PCDHGB5: variants seen among roughly 807,000 people sequenced by gnomAD.
PCDHGB5 encodes the protein protocadherin gamma-B5.
PCDHGB5 carries 48 observed loss-of-function variants against 62.9 expected under a neutral mutation model. That is an observed-to-expected ratio of 0.76 (90% CI 0.61 to 0.97). The LOEUF (loss-of-function observed/expected upper bound fraction) is 0.97. PCDHGB5 is among the 50% of genes least tolerant of loss of function. The pLI, the probability that PCDHGB5 is intolerant of heterozygous loss-of-function variation, is 0.00. For missense variants in PCDHGB5, 1,118 were observed against 1,198.6 expected, an observed-to-expected ratio of 0.93 and a Z score of 0.99; for synonymous variants, 474 against 511.2, an observed-to-expected ratio of 0.93 and a Z score of 0.98.
intron 1 of PCDHGB5, chr5:141,419,506 C>T (rs527369615): frequency 6.2e-7 from 1 of 1,612,352 alleles, no homozygotes; most frequent in Non-Finnish European, 8.5e-7. Context: ...TGAGCCTGCG[C>T]GTGTTGGTGG....
chr5:141,465,273 G>A (rs949271610), intron 1 of PCDHGB5, among the ~76,000 whole-genome samples: 1 of 152,068 alleles, frequency 6.6e-6, no homozygotes, highest in Non-Finnish European at 1.5e-5. Context: ...TAGCCATTTA[G>A]TTCACCCCTA....
intron 1 of PCDHGB5, chr5:141,478,305 C>T (rs775282798): frequency 2.5e-6 from 4 of 1,614,092 alleles, no homozygotes; most frequent in East Asian, 2.2e-5. Flanking sequence ...TACCGAGCCC[C>T]GGTGAGCTCA....
intron 1 of PCDHGB5, among the ~76,000 whole-genome samples, chr5:141,481,300 GA>G (rs998363845): frequency 3.3e-5 from 5 of 152,248 alleles, no homozygotes; most frequent in African/African-American, 1.2e-4. Context: ...TCATCTAAGG[GA>G]AAAACCTTCC....
At chr5:141,433,289 G>C in intron 1 of PCDHGB5, 1 of 1,130,682 alleles carries the variant, frequency 8.8e-7, no homozygotes, top group Non-Finnish European at 1.3e-6. Context: ...AAACTCCTAG[G>C]CTCAAGCAAT....
At position 141,431,896 on chromosome 5, in the gene PCDHGB5, C is replaced by A. The variant is rs1292629023; in HGVS notation, c.2397+31372C>A. The A allele has an allele frequency of 6.2e-7, 1 of 1,613,940 alleles. No homozygotes were observed. The highest frequency in any genetic ancestry group is 1.3e-5 in the African/African-American group (1 of 74,924). On this transcript the variant is annotated intron_variant, in intron 1 of 3. Coordinates refer to ENST00000617380, the MANE Select transcript of PCDHGB5 (RefSeq NM_018925.3). This position sits in a 1 kb window ranked among gnomAD's most constrained non-coding sequence, Gnocchi z 4.8. Reference sequence around the variant, plus strand: ...TAAATGACCAAGATTCTGAGGAAAACGGACAGGTGATCTGTTTCATCCAAG... The same window carrying A: ...TAAATGACCAAGATTCTGAGGAAAAAGGACAGGTGATCTGTTTCATCCAAG...
intron 1 of PCDHGB5, chr5:141,413,089 C>T: frequency 7.1e-7 from 1 of 1,401,124 alleles, no homozygotes; most frequent in Non-Finnish European, 9.7e-7. Context: ...TACAGAGACA[C>T]CCTGAAGCCA....
Position 141,477,376 on chromosome 5 carries a change from G to A in PCDHGB5, c.2398-17431G>A. The A allele has an allele frequency of 6.2e-7, 1 of 1,614,146 alleles. No homozygotes were observed. Among genetic ancestry groups the A allele is most frequent in the Non-Finnish European group, 8.5e-7 (1 of 1,180,026 alleles). ...GTGCAGACCTGGATCGGGAGACTGT[G>A]CCAGAATACAACCTCAGCATCACCG... On this transcript the variant is annotated intron_variant, in intron 1 of 3. Transcript: ENST00000617380. This position sits in a 1 kb window ranked among gnomAD's most constrained non-coding sequence, Gnocchi z 4.9.
intron 1 of PCDHGB5, chr5:141,427,942 T>C (rs1561832592): frequency 6.3e-7 from 1 of 1,586,106 alleles, no homozygotes; most frequent in Non-Finnish European, 8.6e-7. Context: ...GTGGGCGACC[T>C]CAATGACAAT....
chr5:141,486,869 C>G lies in PCDHGB5; in HGVS notation c.2398-7938C>G. On this transcript the variant is annotated intron_variant, in intron 1 of 3. Transcript: ENST00000617380. This position sits in a 1 kb window ranked among gnomAD's most constrained non-coding sequence, Gnocchi z 5.0. ...CCTCAATGACAATGCTCCAGCTGTG[C>G]TCCGTCCTCGGGCCCGGCCTGGTTC... The G allele has an allele frequency of 6.2e-7, 1 of 1,614,246 alleles. No homozygotes were observed. The highest frequency in any genetic ancestry group is 8.5e-7 in the Non-Finnish European group (1 of 1,180,042).
rs376395066 is a variant in PCDHGB5 at position 141,490,681 on chromosome 5, C to G, written c.2398-4126C>G. On this transcript the variant is annotated intron_variant, in intron 1 of 3. Transcript: ENST00000617380. The surrounding 1 kb of genome is among the most constrained non-coding windows in gnomAD (Gnocchi z 5.4). ...TCTTTGCACTGTGGCTGCCTCAGATCCAGACACTGGGGATAATGCCCGCCT... is the reference window on the plus strand; with the variant it reads ...TCTTTGCACTGTGGCTGCCTCAGATGCAGACACTGGGGATAATGCCCGCCT... 2.5e-6 allele frequency: 4 copies of G among 1,613,998 alleles called. No homozygotes were observed. In the African/African-American group the frequency reaches 4.0e-5, roughly 16 times the overall value.
chr5:141,480,457 G>GT (rs1309116577), intron 1 of PCDHGB5, among the ~76,000 whole-genome samples: 4 of 152,060 alleles, frequency 2.6e-5, no homozygotes, highest in Non-Finnish European at 5.9e-5. Flanking sequence ...ATTTTTATTA[G>GT]TTCCTCACTC....
intron 1 of PCDHGB5, among the ~76,000 whole-genome samples, chr5:141,454,195 T>A (rs1295815862): frequency 1.3e-5 from 2 of 152,136 alleles, no homozygotes; most frequent in Admixed American, 1.3e-4. Flanking sequence ...TTAGTGAAGG[T>A]GAATTTATTG....
intron 1 of PCDHGB5, chr5:141,400,747 G>A: frequency 1.7e-6 from 1 of 602,780 alleles, no homozygotes; most frequent in Non-Finnish European, 2.9e-6. Flanking sequence ...TTTGCTCTTA[G>A]CTTCCTCTCT....
chr5:141,407,924 C>T, intron 1 of PCDHGB5: 2 of 482,212 alleles, frequency 4.1e-6, no homozygotes, highest in Non-Finnish European at 3.6e-6. Flanking sequence ...CTGTCCCGCA[C>T]GGAGCCTCTG....
At position 141,491,462 on chromosome 5, in the gene PCDHGB5, T is replaced by C; in HGVS notation, c.2398-3345T>C. 1.2e-6 allele frequency: 2 copies of C among 1,614,004 alleles called. No individual in the cohort carries two copies. The highest frequency in any genetic ancestry group is 1.7e-6 in the Non-Finnish European group (2 of 1,179,978). ...CGCCAGGACTCACCCTCCCCGGACT[T>C]CTATAAGCAGTCCAGCCCCAACCTG... On this transcript the variant is annotated intron_variant, in intron 1 of 3. Coordinates refer to ENST00000617380, the MANE Select transcript of PCDHGB5 (RefSeq NM_018925.3). This position sits in a 1 kb window ranked among gnomAD's most constrained non-coding sequence, Gnocchi z 6.9.
rs999687684 is a variant in PCDHGB5, at chr5:141,431,598, C to T, written c.2397+31074C>T. 1 of 1,614,192 alleles carries T rather than the reference C, an allele frequency of 6.2e-7. No homozygotes were observed. The highest frequency in any genetic ancestry group is 8.5e-7 in the Non-Finnish European group (1 of 1,180,046). ...GGAGTCAATGCGGAAGTGAGGTATT[C>T]CTTCCGGTATGTGGACGACAAGGCG... is the stretch of plus-strand genomic sequence containing the variant. On this transcript the variant is annotated intron_variant, in intron 1 of 3. Coordinates refer to ENST00000617380, the MANE Select transcript of PCDHGB5 (RefSeq NM_018925.3). This position sits in a 1 kb window ranked among gnomAD's most constrained non-coding sequence, Gnocchi z 4.8.
intron 1 of PCDHGB5, chr5:141,439,815 T>C (rs1027862858): frequency 5.3e-5 from 8 of 152,314 alleles, no homozygotes; most frequent in African/African-American, 1.9e-4. Flanking sequence ...AAGGGGCTTA[T>C]TTGGGCTGGA....
chr5:141,409,407 A>G, intron 1 of PCDHGB5: 3 of 1,614,012 alleles, frequency 1.9e-6, no homozygotes, highest in Non-Finnish European at 2.5e-6. Flanking sequence ...AATAACTACT[A>G]CAAACTGGTG....
Position 141,486,416 on chromosome 5 carries a change from C to G in PCDHGB5, c.2398-8391C>G. The G allele has an allele frequency of 4.3e-6, 7 of 1,614,152 alleles. No homozygotes were observed. The highest frequency in any genetic ancestry group is 5.9e-6 in the Non-Finnish European group (7 of 1,180,016). On this transcript the variant is annotated intron_variant, in intron 1 of 3. Coordinates refer to ENST00000617380, the MANE Select transcript of PCDHGB5 (RefSeq NM_018925.3). The surrounding 1 kb of genome is among the most constrained non-coding windows in gnomAD (Gnocchi z 5.0). Reference sequence around the variant, plus strand: ...CCTGGTGACTGCTGGACCCTTGGATCGAGAGGCCAAATCTAGCTATGACAT... The same window carrying G: ...CCTGGTGACTGCTGGACCCTTGGATGGAGAGGCCAAATCTAGCTATGACAT...
Sources: allele counts gnomAD v4.1 joint callset (sites outside exome capture counted in the v4.1 genomes callset), GRCh38; gene constraint gnomAD v4.1.1; non-coding constraint Gnocchi (gnomAD v3.1); transcripts MANE v1.5; gene names NCBI Gene and HGNC (gene_info 2026-07-23, HGNC 2026-07-21).